SLC38A9: variants seen among roughly 807,000 people sequenced by gnomAD.
SLC38A9 encodes the protein solute carrier family 38 member 9, also known as neutral amino acid transporter 9.
In SLC38A9, 48 loss-of-function variants were observed where a neutral mutation model predicts 62.3. The ratio of observed to expected loss-of-function variants is 0.77; its 90% confidence interval spans 0.61 to 0.98. SLC38A9 has a LOEUF of 0.98. Among genes scored for constraint, SLC38A9 ranks in the 50% least tolerant of loss-of-function variants. The probability of loss-of-function intolerance (pLI) is 0.00; values close to 1 mark genes in which losing one functional copy is unlikely to be tolerated. For synonymous variants in SLC38A9, 204 were observed against 227.7 expected, an observed-to-expected ratio of 0.90 and a Z score of 0.94; for missense variants, 541 against 679.8, an observed-to-expected ratio of 0.80 and a Z score of 2.27.
chr5:55,629,941 TC>T (rs35618763), intron 14 of SLC38A9, among the ~76,000 whole-genome samples: 84,738 of 151,902 alleles, frequency 0.56, 24,672 homozygotes, highest in South Asian at 0.66. Flanking sequence ...TCCACAGAAC[TC>T]AGTGAACCAA....
At chr5:55,632,387 G>A (rs1177513842) in intron 14 of SLC38A9, among the ~76,000 whole-genome samples, 1 of 152,134 alleles carries the variant, frequency 6.6e-6, no homozygotes, top group Admixed American at 6.5e-5. Flanking sequence ...GCAGTGAGCC[G>A]AGATCGCGCC....
chr5:55,678,435 C>A (rs1580315456), intron 3 of SLC38A9, among the ~76,000 whole-genome samples: 1 of 151,940 alleles, frequency 6.6e-6, no homozygotes, highest in Non-Finnish European at 1.5e-5. Flanking sequence ...CTGTGCCCAG[C>A]CAATTACTGG....
intron 8 of SLC38A9, among the ~76,000 whole-genome samples, chr5:55,663,533 C>A (rs1276093046): frequency 1.4e-4 from 21 of 151,406 alleles, no homozygotes; most frequent in Non-Finnish European, 1.0e-4. Context: ...GTCAGGAGAT[C>A]GAGAACAGCC....
chr5:55,676,784 C>A (rs1489032846), intron 3 of SLC38A9, among the ~76,000 whole-genome samples: 1 of 152,054 alleles, frequency 6.6e-6, no homozygotes, highest in East Asian at 1.9e-4. Context: ...AACCCCATCC[C>A]ACATACTTAA....
At chr5:55,640,274 C>T (rs759042696) in intron 12 of SLC38A9, among the ~76,000 whole-genome samples, 3 of 152,028 alleles carry the variant, frequency 2.0e-5, no homozygotes, top group Admixed American at 2.0e-4. Flanking sequence ...GTGTGAGCTA[C>T]CATGCCCAGC....
intron 4 of SLC38A9, among the ~76,000 whole-genome samples, chr5:55,671,983 A>G (rs1751402158): frequency 6.6e-6 from 1 of 152,006 alleles, no homozygotes. Flanking sequence ...AAGTAGCTGG[A>G]ACTATAGGTG....
chr5:55,663,657 T>C (rs111352306), intron 8 of SLC38A9, among the ~76,000 whole-genome samples: 5,365 of 152,178 alleles, frequency 0.035, 128 homozygotes, highest in African/African-American at 0.067. Context: ...CACTTGAACC[T>C]GGGAGGTGGA....
chr5:55,710,621 T>C lies in SLC38A9; in HGVS notation c.-35+831A>G, dbSNP rs368757801. 4.3e-3 allele frequency among the ~76,000 whole-genome samples: 657 copies of C among 152,152 alleles called. 2 individuals carry two copies. The highest frequency in any genetic ancestry group is 0.02 in the Middle Eastern group (6 of 294). Reference sequence around the variant, plus strand: ...TGAAACTTTTTTTGTTTAGTTTTTGTTTTTGTTTTTTTTGAGACGGAGCCT... The same window carrying C: ...TGAAACTTTTTTTGTTTAGTTTTTGCTTTTGTTTTTTTTGAGACGGAGCCT... On this transcript the variant is annotated intron_variant, in intron 2 of 15. Coordinates refer to ENST00000396865, the MANE Select transcript of SLC38A9 (RefSeq NM_173514.4).
intron 2 of SLC38A9, among the ~76,000 whole-genome samples, chr5:55,707,989 T>C (rs1757506910): frequency 6.6e-6 from 1 of 152,116 alleles, no homozygotes; most frequent in African/African-American, 2.4e-5. Flanking sequence ...AAACATCAAA[T>C]CTGCAGGTGG....
chr5:55,703,679 G>C (rs1756934400), intron 2 of SLC38A9, among the ~76,000 whole-genome samples: 1 of 151,956 alleles, frequency 6.6e-6, no homozygotes, highest in Non-Finnish European at 1.5e-5. Context: ...TGACTTGTTT[G>C]GTCTTAAGTT....
At chr5:55,627,088 G>A (rs1007087560) in intron 15 of SLC38A9, among the ~76,000 whole-genome samples, 2 of 152,114 alleles carry the variant, frequency 1.3e-5, no homozygotes, top group African/African-American at 4.8e-5. Context: ...GCATGATTAC[G>A]AAAGATAATA....
At chr5:55,653,646 T>A (rs1439555608) in intron 9 of SLC38A9, among the ~76,000 whole-genome samples, 4 of 151,826 alleles carry the variant, frequency 2.6e-5, no homozygotes, top group African/African-American at 4.8e-5. Flanking sequence ...GACTGGGAAA[T>A]CAGTAAAATG....
chr5:55,687,426 C>CAAAA (rs34476189), intron 3 of SLC38A9, among the ~76,000 whole-genome samples: 3 of 76,410 alleles, frequency 3.9e-5, no homozygotes, highest in African/African-American at 5.5e-5. Flanking sequence ...GACTCCGTCT[C>CAAAA]AAAAAAAAAA....
chr5:55,663,281 G>C (rs1749913913), intron 8 of SLC38A9, among the ~76,000 whole-genome samples: 1 of 98,938 alleles, frequency 1.0e-5, no homozygotes. Flanking sequence ...GCAACATACT[G>C]ATACTCTGTC....
intron 2 of SLC38A9, among the ~76,000 whole-genome samples, chr5:55,699,919 T>C (rs181626940): frequency 1.3e-5 from 2 of 152,250 alleles, no homozygotes; most frequent in East Asian, 1.9e-4. Context: ...AAGCATGTAA[T>C]TGGAGAATCA....
Position 55,669,583 on chromosome 5 carries a change from G to A in SLC38A9, c.406C>T (p.Leu136=). 1.2e-6 allele frequency: 2 copies of A among 1,610,580 alleles called. No homozygotes were observed. Among genetic ancestry groups the A allele is most frequent in the Non-Finnish European group, 1.7e-6 (2 of 1,177,756 alleles). ...TGTTTTATGCCCCAAGGAATGCTTAGTATAGATGTTCCCATCATGGTATTC... is the reference window on the plus strand; with the variant it reads ...TGTTTTATGCCCCAAGGAATGCTTAATATAGATGTTCCCATCATGGTATTC... ...IWNTMMGTSI[L]SIPWGIKQAG... is the part of the protein sequence containing the mutation. The change falls in exon 6 of 16, where the codon CTA becomes TTA. Residue 136 remains leucine, a synonymous_variant. Coordinates refer to ENST00000396865, the MANE Select transcript of SLC38A9 (RefSeq NM_173514.4).
At chr5:55,628,279 C>A (rs1580049626) in intron 14 of SLC38A9, among the ~76,000 whole-genome samples, 2 of 152,116 alleles carry the variant, frequency 1.3e-5, no homozygotes, top group East Asian at 3.9e-4. Flanking sequence ...AGAAAATAAT[C>A]CAAACAATGA....
At position 55,664,761 on chromosome 5, in the gene SLC38A9, A is replaced by G. The variant is rs1375939308; in HGVS notation, c.629T>C (p.Ile210Thr). The G allele has an allele frequency of 4.4e-6, 7 of 1,595,404 alleles. 1 individual carries two copies. In the Admixed American group the frequency reaches 7.2e-5, roughly 16 times the overall value. Reference protein sequence around the residue: ...SSLLFSLVSLIGAMIVYWVLM... With the variant: ...SSLLFSLVSLTGAMIVYWVLM... ...CACCCAATAAACTATCATTGCTCCA[A>G]TGAGAGACACCAAGGAGAAAAGGAG... Residue 210 changes from isoleucine to threonine, a missense_variant, in exon 8 of 16, where the codon ATT becomes ACT. Transcript: ENST00000396865.
At chr5:55,645,064 C>A (rs1746108783) in intron 12 of SLC38A9, among the ~76,000 whole-genome samples, 1 of 152,114 alleles carries the variant, frequency 6.6e-6, no homozygotes, top group East Asian at 1.9e-4. Flanking sequence ...TTTTTATCAG[C>A]CGCATTTATT....
Sources: allele counts gnomAD v4.1 joint callset (sites outside exome capture counted in the v4.1 genomes callset), GRCh38; gene constraint gnomAD v4.1.1; transcripts MANE v1.5; gene names NCBI Gene and HGNC (gene_info 2026-07-23, HGNC 2026-07-21).